Variants in NXN observed in about 807,000 individuals in gnomAD.
The protein encoded by NXN is nucleoredoxin, also known as nucleoredoxin 1.
In NXN, 16 loss-of-function variants were observed where a neutral mutation model predicts 48.6. The observed-to-expected ratio is 0.33, with a 90% CI of 0.22 to 0.50. The LOEUF is 0.50. Among genes scored for constraint, NXN ranks in the 20% least tolerant of loss-of-function variants. NXN has a pLI of 0.98. For synonymous variants in NXN, 281 were observed against 269.6 expected, an observed-to-expected ratio of 1.04 and a Z score of -0.41; for missense variants, 492 against 605.5, an observed-to-expected ratio of 0.81 and a Z score of 1.97.
chr17:923,413 C>T (rs2068767450), intron 1 of NXN, among the ~76,000 whole-genome samples: 1 of 152,160 alleles, frequency 6.6e-6, no homozygotes, highest in African/African-American at 2.4e-5. Flanking sequence ...GTCCTAGCTA[C>T]CCCGGAGGCT....
intron 1 of NXN, among the ~76,000 whole-genome samples, chr17:836,236 A>G (rs1913820260): frequency 1.3e-5 from 2 of 152,188 alleles, no homozygotes; most frequent in Non-Finnish European, 2.9e-5. Flanking sequence ...CTGCCCCCGC[A>G]TGCTAAGGAC....
intron 1 of NXN, among the ~76,000 whole-genome samples, chr17:976,898 C>T (rs1007848258): frequency 6.6e-6 from 1 of 151,946 alleles, no homozygotes; most frequent in African/African-American, 2.4e-5. Flanking sequence ...TCCCTAGTAG[C>T]TGGGACTAGA....
rs916081038 is a variant in NXN, at chr17:849,665, C to T, written c.361-23587G>A. On this transcript the variant is annotated intron_variant, in intron 1 of 7. Transcript: ENST00000336868. The surrounding 1 kb of genome is among the most constrained non-coding windows in gnomAD (Gnocchi z 4.2). ...TCCTCTGGCGGCCAGCTGCCTCATCCCTTTACCTCCGCAGACAAGCAATCA... is the reference window on the plus strand; with the variant it reads ...TCCTCTGGCGGCCAGCTGCCTCATCTCTTTACCTCCGCAGACAAGCAATCA... 1.3e-5 allele frequency among the ~76,000 whole-genome samples: 2 copies of T among 152,188 alleles called. No individual in the cohort carries two copies. Among genetic ancestry groups the T allele is most frequent in the Admixed American group, 6.5e-5 (1 of 15,282 alleles).
At chr17:975,716 G>A (rs534300084) in intron 1 of NXN, among the ~76,000 whole-genome samples, 1 of 152,332 alleles carries the variant, frequency 6.6e-6, no homozygotes, top group South Asian at 2.1e-4. Flanking sequence ...CAGGCATCCA[G>A]CCCAGACAAA....
intron 1 of NXN, among the ~76,000 whole-genome samples, chr17:948,515 G>A (rs995564144): frequency 2.0e-5 from 3 of 152,070 alleles, no homozygotes; most frequent in African/African-American, 4.8e-5. Flanking sequence ...ACTGAGGGAC[G>A]GCTGTGGAAC....
chr17:811,915 T>A (rs989827625), intron 5 of NXN, among the ~76,000 whole-genome samples: 1 of 142,726 alleles, frequency 7.0e-6, no homozygotes, highest in African/African-American at 2.6e-5. Context: ...GGTTACCCAG[T>A]TCTGCTTTTT....
intron 5 of NXN, among the ~76,000 whole-genome samples, chr17:812,029 G>T (rs989495925): frequency 1.4e-5 from 2 of 141,034 alleles, no homozygotes; most frequent in Admixed American, 7.8e-5. Flanking sequence ...CCGGGTTCAC[G>T]CCATTCTCCT....
intron 4 of NXN, among the ~76,000 whole-genome samples, chr17:819,749 G>C (rs539052859): frequency 2.0e-5 from 3 of 152,192 alleles, no homozygotes; most frequent in Admixed American, 2.0e-4. Flanking sequence ...CACACAGCAG[G>C]TGGGTGCCGG....
chr17:902,990 C>T (rs951686263), intron 1 of NXN, among the ~76,000 whole-genome samples: 4 of 151,564 alleles, frequency 2.6e-5, no homozygotes, highest in Admixed American at 1.3e-4. Context: ...AGGTTGGTCT[C>T]GAACTCCCGA....
chr17:909,735 T>G (rs1411876260), intron 1 of NXN: 1 of 151,202 alleles, frequency 6.6e-6, no homozygotes, highest in Non-Finnish European at 1.5e-5. Context: ...GAGACGGCTT[T>G]CACCATGTTA....
At chr17:876,817 C>T (rs542489042) in intron 1 of NXN, among the ~76,000 whole-genome samples, 9 of 151,856 alleles carry the variant, frequency 5.9e-5, no homozygotes, top group Admixed American at 1.3e-4. Flanking sequence ...GCTGCGGGGG[C>T]GGGGGGATCA....
chr17:813,818 T>C (rs886294919), intron 5 of NXN, among the ~76,000 whole-genome samples: 1 of 150,898 alleles, frequency 6.6e-6, no homozygotes, highest in Non-Finnish European at 1.5e-5. Context: ...ATACAAAAAT[T>C]AGCTGGGCGT....
At chr17:938,506 C>A (rs1265262402) in intron 1 of NXN, among the ~76,000 whole-genome samples, 2 of 151,510 alleles carry the variant, frequency 1.3e-5, no homozygotes, top group African/African-American at 4.9e-5. Flanking sequence ...ATGGCGAAAC[C>A]CCCGTCTCTA....
intron 5 of NXN, among the ~76,000 whole-genome samples, chr17:809,865 G>A (rs1567810337): frequency 6.6e-6 from 1 of 151,870 alleles, no homozygotes; most frequent in African/African-American, 2.4e-5. Context: ...GGCACCTTAC[G>A]AGTCAGTGTG....
intron 1 of NXN, chr17:863,995 C>T (rs1418700201): frequency 2.1e-5 from 32 of 1,535,106 alleles, no homozygotes; most frequent in East Asian, 2.4e-5. Context: ...TGCTCAGTTT[C>T]GGTGAAAGGA....
chr17:899,370 G>T (rs2068516454), intron 1 of NXN, among the ~76,000 whole-genome samples: 1 of 152,134 alleles, frequency 6.6e-6, no homozygotes, highest in Non-Finnish European at 1.5e-5. Flanking sequence ...TTGACGTGCT[G>T]GGTACAAAAA....
Position 978,222 on chromosome 17 carries a change from G to C in NXN, c.360+1097C>G, listed in dbSNP as rs2069484419. The C allele has an allele frequency of 6.6e-6, 1 of 152,192 alleles. No individual in the cohort carries two copies. The highest frequency in any genetic ancestry group is 2.1e-4 in the South Asian group (1 of 4,832). 9.4% of individuals were successfully genotyped at this position (152,192 alleles called of 1,614,324 possible). A position where few individuals can be genotyped will look rare whatever the true frequency, so the allele number is the denominator to read the frequency against. ...TCCAGAAACAGGCTTTCCTCAAAAA[G>C]GGAAAGGGGCTGGATTCACACGTTG... On this transcript the variant is annotated intron_variant, in intron 1 of 7. Transcript: ENST00000336868. This position sits in a 1 kb window ranked among gnomAD's most constrained non-coding sequence, Gnocchi z 4.1.
intron 1 of NXN, among the ~76,000 whole-genome samples, chr17:902,286 T>C (rs895901721): frequency 2.0e-5 from 3 of 152,212 alleles, no homozygotes; most frequent in Non-Finnish European, 4.4e-5. Flanking sequence ...TCAGAAACCG[T>C]TCCGGTAACA....
rs1555612506 is a variant in NXN at position 839,808 on chromosome 17, A to AAAAAC, written c.361-13731_361-13730insGTTTT. On this transcript the variant is annotated intron_variant, in intron 1 of 7. Transcript: ENST00000336868. ...CAGAGAGACCTTGTTAAAAAAAAAA[A>AAAAAC]AAAAAAGGCCAGGCACGGTGGCTCA... 1.7e-3 allele frequency among the ~76,000 whole-genome samples: 249 copies of AAAAAC among 143,804 alleles called. 17 individuals carry two copies. Among genetic ancestry groups the AAAAAC allele is most frequent in the African/African-American group, 6.1e-3 (229 of 37,378 alleles). The allele number at this position is 143,804 out of a possible 152,430, so 94.3% of individuals were successfully genotyped here.
Sources: gnomAD v4.1 joint callset for allele counts (sites outside exome capture counted in the v4.1 genomes callset) on GRCh38, gnomAD v4.1.1 for gene constraint, Gnocchi (gnomAD v3.1) non-coding constraint, MANE v1.5 for transcripts, NCBI Gene and HGNC (gene_info 2026-07-23, HGNC 2026-07-21) for gene names.